Variants in ZNF155 observed in about 807,000 individuals in gnomAD.
The protein encoded by ZNF155 is zinc finger protein 155.
In ZNF155, 15 loss-of-function variants were observed where a neutral mutation model predicts 11.9. The observed-to-expected ratio is 1.26, with a 90% confidence interval of 0.84 to 1.94. The LOEUF (loss-of-function observed/expected upper bound fraction) is 1.94, where lower values mean the gene tolerates loss of function less well. ZNF155 is among the 30% of genes most tolerant of loss of function. The pLI, the probability that ZNF155 is intolerant of heterozygous loss-of-function variation, is 0.00. For synonymous variants in ZNF155, 212 were observed against 219.9 expected (o/e 0.96, Z 0.32); for missense variants, 602 against 639.1 (o/e 0.94, Z 0.63).
chr19:43,992,805 G>GT (rs1397382157), intron 4 of ZNF155, among the ~76,000 whole-genome samples: 1 of 152,232 alleles, frequency 6.6e-6, no homozygotes, highest in African/African-American at 2.4e-5. Flanking sequence ...TTGCAGAACA[G>GT]TTTTTTTGGC....
At chr19:43,988,360 G>T in intron 1 of ZNF155, 99 bp from the exon 2 acceptor site, 1 of 445,078 alleles carries the variant, frequency 2.2e-6, no homozygotes, top group East Asian at 3.4e-5. Context: ...TTACCCAGAG[G>T]AAGGCATCTT....
chr19:43,985,193 T>A (rs1432871036), intron 1 of ZNF155, among the ~76,000 whole-genome samples: 1 of 151,830 alleles, frequency 6.6e-6, no homozygotes, highest in African/African-American at 2.4e-5. Context: ...CCGGAGTAGC[T>A]GGGATTACAG....
chr19:43,994,475 C>T (rs1240032161), intron 4 of ZNF155, among the ~76,000 whole-genome samples: 2 of 152,362 alleles, frequency 1.3e-5, no homozygotes, highest in African/African-American at 2.4e-5. Context: ...GAACTGCTCT[C>T]ACTTCACACC....
chr19:43,988,358 A>G (rs1220009371), intron 1 of ZNF155, 101 bp from the exon 2 acceptor site: 1 of 442,942 alleles, frequency 2.3e-6, no homozygotes, highest in Non-Finnish European at 4.0e-6. Flanking sequence ...ATTTACCCAG[A>G]GGAAGGCATC....
At chr19:43,991,250 A>G (rs952874172) in intron 2 of ZNF155, among the ~76,000 whole-genome samples, 1 of 152,138 alleles carries the variant, frequency 6.6e-6, no homozygotes, top group Admixed American at 6.5e-5. Context: ...TGTCGAACCT[A>G]TATATGGGTA....
chr19:43,984,484 G>C (rs1456684232), intron 1 of ZNF155: 1 of 152,022 alleles, frequency 6.6e-6, no homozygotes, highest in Admixed American at 6.6e-5. Context: ...GTCTAGTCTT[G>C]TGTGCCTGTT....
intron 1 of ZNF155, among the ~76,000 whole-genome samples, chr19:43,986,223 ACTGT>A (rs1311663768): frequency 6.6e-6 from 1 of 152,180 alleles, no homozygotes; most frequent in East Asian, 1.9e-4. Flanking sequence ...GAAGGTGCTA[ACTGT>A]CTGATACAAG....
chr19:43,992,087 A>G (rs1975686061), intron 4 of ZNF155, among the ~76,000 whole-genome samples, 153 bp downstream of exon 4: 2 of 152,066 alleles, frequency 1.3e-5, no homozygotes, highest in African/African-American at 4.8e-5. Context: ...TTCCCACCCT[A>G]ATATCTGTTC....
In ZNF155 at chr19:43,996,458, G is replaced by A. The variant is rs1478630448; in HGVS notation, c.601G>A (p.Glu201Lys). Residue 201 changes from glutamate to lysine, a missense_variant, in exon 5 of 5, where the codon GAG (glutamate) becomes AAG (lysine). Glu to Lys is a moderately conservative substitution (Grantham distance 56). Transcript: ENST00000270014. ...TGTTCATCAGAGAGTCCACGTGGGA[G>A]AGAAACTCTTTATGTGTGATGTGTG... ...LHVHQRVHVGEKLFMCDVCGK... is the reference protein window; with the variant it reads ...LHVHQRVHVGKKLFMCDVCGK... The A allele has an allele frequency of 6.2e-7, 1 of 1,614,218 alleles. No individual in the cohort carries two copies. The highest frequency in any genetic ancestry group is 1.7e-5 in the Admixed American group (1 of 60,032).
chr19:43,997,362 A>G lies in ZNF155; in HGVS notation c.1505A>G (p.Gln502Arg), dbSNP rs760646778. The change falls in exon 5 of 5, where the codon CAG becomes CGG. Residue 502 changes from glutamine (Q) to arginine (R), a missense_variant. Gln to Arg is a conservative substitution (Grantham distance 43, BLOSUM62 1). Transcript: ENST00000270014. ...RLVHRTYRKD[Q>R]PRDYSGENPS... ...GTACACAGGACATACCGTAAAGACC[A>G]GCCGAGAGACTATAGTGGGGAAAAC... is the stretch of plus-strand genomic sequence containing the variant. 18 of 1,613,870 alleles carry G rather than the reference A, an allele frequency of 1.1e-5. No homozygotes were observed. The highest frequency in any genetic ancestry group is 1.3e-5 in the Non-Finnish European group (15 of 1,179,784).
At chr19:43,987,507 G>A (rs1975503593) in intron 1 of ZNF155, among the ~76,000 whole-genome samples, 2 of 152,098 alleles carry the variant, frequency 1.3e-5, no homozygotes, top group South Asian at 4.1e-4. Flanking sequence ...TTGTTGGTGC[G>A]GATACTGCCA....
rs1975395400 is a variant in ZNF155 at position 43,985,235 on chromosome 19, A to AT, written c.-86+995dup. Reference sequence around the variant, plus strand: ...GTCACCATGCCCGGCTAATTTTTGTATTTTTAGTAGAGACGGGGTTTCACC... The same window carrying AT: ...GTCACCATGCCCGGCTAATTTTTGTATTTTTTAGTAGAGACGGGGTTTCACC... On this transcript the variant is annotated intron_variant, in intron 1 of 4. Coordinates refer to ENST00000270014, the MANE Select transcript of ZNF155 (RefSeq NM_198089.3). 2.6e-5 allele frequency among the ~76,000 whole-genome samples: 4 copies of AT among 151,646 alleles called. No individual in the cohort carries two copies. The South Asian group carries it at 8.3e-4, about 32-fold the overall frequency.
chr19:43,985,027 A>T lies in ZNF155; in HGVS notation c.-86+782A>T, dbSNP rs368756288. ...AGTGGTCTTTGGCTTTTCTCTTTTTAAAAAAAAGTTATTTATTTTGTTAGT... is the reference window on the plus strand; with the variant it reads ...AGTGGTCTTTGGCTTTTCTCTTTTTTAAAAAAAGTTATTTATTTTGTTAGT... On this transcript the variant is annotated intron_variant, in intron 1 of 4. Coordinates refer to ENST00000270014, the MANE Select transcript of ZNF155 (RefSeq NM_198089.3). Among the ~76,000 whole-genome samples the T allele has an allele frequency of 3.6e-3, 543 of 152,092 alleles. 3 individuals carry two copies. Among genetic ancestry groups the T allele is most frequent in the African/African-American group, 8.9e-3 (368 of 41,500 alleles).
intron 2 of ZNF155, chr19:43,990,171 TA>T: frequency 1.9e-6 from 2 of 1,049,664 alleles, no homozygotes; most frequent in Non-Finnish European, 2.7e-6. Context: ...TAAATGTGCT[TA>T]TTTTTTGATG....
chr19:43,994,053 T>C (rs1190060766), intron 4 of ZNF155, among the ~76,000 whole-genome samples: 4 of 152,246 alleles, frequency 2.6e-5, no homozygotes, highest in South Asian at 4.1e-4. Context: ...AGTTCTTTTT[T>C]GTAAATGTTT....
intron 4 of ZNF155, among the ~76,000 whole-genome samples, chr19:43,993,797 C>T (rs1026177429): frequency 6.6e-6 from 1 of 152,170 alleles, no homozygotes; most frequent in African/African-American, 2.4e-5. Flanking sequence ...ACCTATAAAT[C>T]CTTTCCAAGA....
intron 2 of ZNF155, chr19:43,990,182 G>A (rs1975604191): frequency 3.2e-6 from 3 of 924,314 alleles, no homozygotes; most frequent in Non-Finnish European, 4.7e-6. Flanking sequence ...ATTTTTTGAT[G>A]TTTTAATTTT....
chr19:43,992,061 C>A, intron 4 of ZNF155, 127 bp downstream of exon 4: 1 of 868,792 alleles, frequency 1.2e-6, no homozygotes, highest in Non-Finnish European at 1.7e-6. Context: ...CAACTGCCTT[C>A]CAGTTGGTGG....
At chr19:43,991,455 A>T in intron 2 of ZNF155, 93 bp from the exon 3 acceptor site, 2 of 1,592,782 alleles carry the variant, frequency 1.3e-6, no homozygotes, top group Non-Finnish European at 1.7e-6. Context: ...ACTGAGAACA[A>T]CTTTCCACTC....
Sources: allele counts gnomAD v4.1 joint callset (sites outside exome capture counted in the v4.1 genomes callset), GRCh38; gene constraint gnomAD v4.1.1; transcripts MANE v1.5; gene names NCBI Gene and HGNC (gene_info 2026-07-23, HGNC 2026-07-21).